ZBTB20: variants seen among roughly 807,000 people sequenced by gnomAD.
The protein encoded by ZBTB20 is zinc finger and BTB domain-containing protein 20.
Under a neutral mutation model 56.9 loss-of-function variants are expected in ZBTB20, and 9 were observed. The ratio of observed to expected loss-of-function variants is 0.16; its 90% CI spans 0.10 to 0.28. The LOEUF is 0.28. Among genes scored for constraint, ZBTB20 ranks in the 10% least tolerant of loss-of-function variants. The pLI, the probability that ZBTB20 is intolerant of heterozygous loss-of-function variation, is 1.00. For missense variants in ZBTB20, 655 were observed against 1,003.0 expected, an observed-to-expected ratio of 0.65 and a Z score of 4.69; for synonymous variants, 417 against 420.7, an observed-to-expected ratio of 0.99 and a Z score of 0.11.
chr3:114,394,480 G>C (rs1412027386), intron 7 of ZBTB20, among the ~76,000 whole-genome samples: 1 of 152,150 alleles, frequency 6.6e-6, no homozygotes, highest in Non-Finnish European at 1.5e-5. Context: ...CAGACTCCAG[G>C]AGAAGGAACT....
intron 6 of ZBTB20, among the ~76,000 whole-genome samples, chr3:114,520,687 C>T (rs1347653530): frequency 2.0e-5 from 3 of 152,036 alleles, no homozygotes; most frequent in Non-Finnish European, 2.9e-5. Context: ...TTTTTAAATA[C>T]CTTTCAAATC....
chr3:114,713,383 G>A (rs1181481790), intron 5 of ZBTB20, among the ~76,000 whole-genome samples: 13 of 152,056 alleles, frequency 8.5e-5, no homozygotes, highest in Admixed American at 8.5e-4. Flanking sequence ...AGCTGAAAAT[G>A]CCGGCTTTTT....
At chr3:114,419,634 A>T (rs919823974) in intron 7 of ZBTB20, among the ~76,000 whole-genome samples, 3 of 152,076 alleles carry the variant, frequency 2.0e-5, no homozygotes, top group African/African-American at 7.2e-5. Flanking sequence ...AATTTTAATT[A>T]TTTTACAGGA....
chr3:114,958,385 T>G (rs1205418509), intron 3 of ZBTB20, among the ~76,000 whole-genome samples: 2 of 152,218 alleles, frequency 1.3e-5, no homozygotes, highest in Non-Finnish European at 2.9e-5. Context: ...TAGTAACAGT[T>G]CAACATTTAA....
chr3:115,105,990 G>C (rs2083710999), intron 1 of ZBTB20, among the ~76,000 whole-genome samples: 1 of 151,654 alleles, frequency 6.6e-6, no homozygotes, highest in Admixed American at 6.6e-5. Flanking sequence ...TCTAATTTTT[G>C]TATTTTTAGT....
At chr3:114,875,756 C>T (rs2076168010) in intron 4 of ZBTB20, among the ~76,000 whole-genome samples, 1 of 152,102 alleles carries the variant, frequency 6.6e-6, no homozygotes, top group Non-Finnish European at 1.5e-5. Flanking sequence ...GTTCCCTCAT[C>T]TGCAAAATTA....
intron 2 of ZBTB20, among the ~76,000 whole-genome samples, chr3:115,007,194 G>A (rs902492079): frequency 6.6e-6 from 1 of 151,278 alleles, no homozygotes; most frequent in African/African-American, 2.4e-5. Flanking sequence ...TTCTTGAGTC[G>A]TCTAAAAAAA....
intron 4 of ZBTB20, among the ~76,000 whole-genome samples, chr3:114,846,139 A>C (rs1188292308): frequency 2.0e-5 from 3 of 152,162 alleles, no homozygotes; most frequent in Admixed American, 1.3e-4. Context: ...ACACACCTAC[A>C]TATACCTATA....
chr3:114,544,431 TTCTTTCTTTC>T (rs1429025675), intron 6 of ZBTB20, among the ~76,000 whole-genome samples: 1 of 83,062 alleles, frequency 1.2e-5, no homozygotes, highest in African/African-American at 6.2e-5. Context: ...CTTTCTTTCT[TTCTTTCTTTC>T]TTTCTTTCTT....
intron 11 of ZBTB20, among the ~76,000 whole-genome samples, chr3:114,346,634 A>T (rs974097725): frequency 2.6e-5 from 4 of 151,820 alleles, no homozygotes; most frequent in African/African-American, 9.7e-5. Context: ...TTAAAGGTAG[A>T]GCTTAGCTCC....
chr3:114,682,433 G>C (rs1272367279), intron 6 of ZBTB20, among the ~76,000 whole-genome samples: 1 of 152,124 alleles, frequency 6.6e-6, no homozygotes, highest in Non-Finnish European at 1.5e-5. Context: ...TCATAATACT[G>C]AGGGGGGAGA....
intron 3 of ZBTB20, among the ~76,000 whole-genome samples, chr3:114,961,683 A>G (rs1369984365): frequency 6.6e-6 from 1 of 152,170 alleles, no homozygotes; most frequent in Non-Finnish European, 1.5e-5. Context: ...AGGAAACCCT[A>G]TAATAAGAGC....
rs138390185 is a variant in ZBTB20 at position 114,337,950 on chromosome 3, A to C, written c.*1055T>G. ...ACACAAATACTGTTGTAAATATATT[A>C]AAAAAATCAGCATTCTATCTGGTAA... On this transcript the variant is annotated 3_prime_UTR_variant, in exon 12 of 12. Coordinates refer to ENST00000675478, the MANE Select transcript of ZBTB20 (RefSeq NM_001348800.3). The C allele has an allele frequency of 6.6e-6, 1 of 151,748 alleles. No homozygotes were observed. The highest frequency in any genetic ancestry group is 2.4e-5 in the African/African-American group (1 of 41,362). The allele number at this position is 151,748 out of a possible 1,614,324, so 9.4% of individuals were successfully genotyped here.
chr3:114,384,469 G>GAA (rs547229153), intron 8 of ZBTB20, among the ~76,000 whole-genome samples: 5 of 135,050 alleles, frequency 3.7e-5, no homozygotes, highest in Admixed American at 3.7e-4. Flanking sequence ...TTCAAAAAAA[G>GAA]AAAAAAAAAA....
intron 2 of ZBTB20, among the ~76,000 whole-genome samples, chr3:115,007,708 A>T (rs2079535763): frequency 6.6e-6 from 1 of 151,800 alleles, no homozygotes. Context: ...GAGAGTTTTT[A>T]CTTCTTTACC....
Position 114,990,153 on chromosome 3 carries a change from G to A in ZBTB20, c.-506-15737C>T, listed in dbSNP as rs1358884048. On this transcript the variant is annotated intron_variant, in intron 2 of 11. Transcript: ENST00000675478. Reference sequence around the variant, plus strand: ...TCCAACACTATGTTGAATAGGAGTGGTGAGAGAGGGCATCCCTGTCTTGTG... The same window carrying A: ...TCCAACACTATGTTGAATAGGAGTGATGAGAGAGGGCATCCCTGTCTTGTG... Among the ~76,000 whole-genome samples, 3 of 152,234 alleles carry A rather than the reference G, an allele frequency of 2.0e-5. No individual in the cohort carries two copies. In the East Asian group the frequency reaches 5.8e-4, roughly 29 times the overall value.
intron 5 of ZBTB20, among the ~76,000 whole-genome samples, chr3:114,781,111 T>C (rs939282743): frequency 3.3e-5 from 5 of 152,204 alleles, no homozygotes; most frequent in African/African-American, 1.2e-4. Context: ...ATATACCTAA[T>C]ATGTATTCAC....
intron 11 of ZBTB20, among the ~76,000 whole-genome samples, chr3:114,341,350 C>A (rs2079747411): frequency 6.6e-6 from 1 of 152,004 alleles, no homozygotes; most frequent in Non-Finnish European, 1.5e-5. Flanking sequence ...TGTAAACATG[C>A]CTGGAAGTCA....
intron 6 of ZBTB20, chr3:114,687,690 C>G (rs977652334): frequency 6.6e-6 from 1 of 150,618 alleles, no homozygotes; most frequent in Admixed American, 6.6e-5. Context: ...ACAAATAAAC[C>G]AATAAATGTT....
Sources: allele counts gnomAD v4.1 joint callset (sites outside exome capture counted in the v4.1 genomes callset), GRCh38; gene constraint gnomAD v4.1.1; transcripts MANE v1.5; gene names NCBI Gene and HGNC (gene_info 2026-07-23, HGNC 2026-07-21).